TRPC7: variants seen among roughly 807,000 people sequenced by gnomAD.
TRPC7 encodes short transient receptor potential channel 7.
TRPC7 carries 42 observed loss-of-function variants against 90.1 expected under a neutral mutation model. That is an observed-to-expected ratio of 0.47 (90% confidence interval 0.36 to 0.60). TRPC7 has a LOEUF of 0.60. Ranked by LOEUF, TRPC7 falls within the 20% of genes least tolerant of loss-of-function variation. TRPC7 has a pLI of 0.00. For missense variants in TRPC7, 955 were observed against 1,112.3 expected (o/e 0.86, Z 2.01); for synonymous variants, 451 against 436.3 (o/e 1.03, Z -0.42).
At chr5:136,298,469 G>T (rs1758260162) in intron 3 of TRPC7, among the ~76,000 whole-genome samples, 1 of 152,174 alleles carries the variant, frequency 6.6e-6, no homozygotes, top group South Asian at 2.1e-4. Context: ...AAAGATGCTA[G>T]TGTCCTGCCA....
Position 136,315,520 on chromosome 5 carries a change from A to T in TRPC7, c.963+77T>A, listed in dbSNP as rs187640948. 2.7e-5 allele frequency: 41 copies of T among 1,493,536 alleles called. No individual in the cohort carries two copies. In the Admixed American group the frequency reaches 4.4e-4, roughly 16 times the overall value. 92.5% of individuals were successfully genotyped at this position (1,493,536 alleles called of 1,614,324 possible). On this transcript the variant is annotated intron_variant, in intron 3 of 11. Transcript: ENST00000513104. ...GTCACCCTGTGGGAACATAAAATAG[A>T]CATGAGCAAAAAGCAAGGCCAGCAG...
chr5:136,300,954 A>G (rs911981731), intron 3 of TRPC7, among the ~76,000 whole-genome samples: 1 of 152,246 alleles, frequency 6.6e-6, no homozygotes, highest in African/African-American at 2.4e-5. Context: ...GAATCATTAA[A>G]GAGCCTTTAA....
intron 3 of TRPC7, among the ~76,000 whole-genome samples, chr5:136,291,813 C>A (rs1187185792): frequency 6.6e-6 from 1 of 152,204 alleles, no homozygotes; most frequent in African/African-American, 2.4e-5. Context: ...CTACAGAACT[C>A]TCCACCCCAA....
intron 5 of TRPC7, among the ~76,000 whole-genome samples, chr5:136,264,280 G>T (rs1756954255): frequency 1.3e-5 from 2 of 152,180 alleles, no homozygotes; most frequent in African/African-American, 4.8e-5. Flanking sequence ...CCTGTTCAAG[G>T]GAAAGTATGG....
chr5:136,314,128 A>T (rs1343438528), intron 3 of TRPC7: 2 of 152,222 alleles, frequency 1.3e-5, no homozygotes, highest in African/African-American at 2.4e-5. Context: ...AATGCCAAGC[A>T]TCTTCTTTTG....
At chr5:136,239,625 G>C (rs553611944) in intron 7 of TRPC7, among the ~76,000 whole-genome samples, 1 of 152,302 alleles carries the variant, frequency 6.6e-6, no homozygotes, top group South Asian at 2.1e-4. Flanking sequence ...AGCCTCAGCA[G>C]GATCCCCTTT....
At chr5:136,317,941 G>T (rs1452749319) in intron 2 of TRPC7, among the ~76,000 whole-genome samples, 2 of 152,146 alleles carry the variant, frequency 1.3e-5, no homozygotes, top group African/African-American at 4.8e-5. Flanking sequence ...TCACTTCCCT[G>T]GGCTCTTTCA....
chr5:136,275,652 C>T (rs958013640), intron 3 of TRPC7, among the ~76,000 whole-genome samples: 2 of 152,114 alleles, frequency 1.3e-5, no homozygotes, highest in Non-Finnish European at 2.9e-5. Flanking sequence ...CAAGACAGAC[C>T]TCTTGTGGCC....
At chr5:136,331,887 A>T (rs1275408869) in intron 2 of TRPC7, among the ~76,000 whole-genome samples, 1 of 152,170 alleles carries the variant, frequency 6.6e-6, no homozygotes, top group Admixed American at 6.5e-5. Context: ...TCTGAGATAC[A>T]ACCATGAGCA....
chr5:136,282,303 A>G (rs1375282784), intron 3 of TRPC7, among the ~76,000 whole-genome samples: 1 of 152,226 alleles, frequency 6.6e-6, no homozygotes, highest in Non-Finnish European at 1.5e-5. Flanking sequence ...TGAAGGAATC[A>G]GAGGGAACTA....
At chr5:136,351,317 G>A (rs1760188009) in intron 2 of TRPC7, among the ~76,000 whole-genome samples, 2 of 152,050 alleles carry the variant, frequency 1.3e-5, no homozygotes, top group African/African-American at 4.8e-5. Context: ...AGCCTTCATA[G>A]CTTAAAAAAT....
chr5:136,318,546 C>CAGTCA (rs1759098638), intron 2 of TRPC7, among the ~76,000 whole-genome samples: 1 of 152,222 alleles, frequency 6.6e-6, no homozygotes, highest in Non-Finnish European at 1.5e-5. Context: ...AGTCTCCCAA[C>CAGTCA]ATGACTGCAT....
chr5:136,336,532 T>A (rs555590296), intron 2 of TRPC7, among the ~76,000 whole-genome samples: 3 of 152,110 alleles, frequency 2.0e-5, no homozygotes, highest in African/African-American at 7.2e-5. Context: ...ATATATACTT[T>A]AAGTTCTAGG....
chr5:136,282,491 T>G (rs933587882), intron 3 of TRPC7, among the ~76,000 whole-genome samples: 1 of 152,246 alleles, frequency 6.6e-6, no homozygotes, highest in African/African-American at 2.4e-5. Context: ...CTCCTGTAAA[T>G]TTATATGATA....
chr5:136,270,870 G>A (rs968172063), intron 4 of TRPC7, among the ~76,000 whole-genome samples: 3 of 152,182 alleles, frequency 2.0e-5, no homozygotes, highest in Non-Finnish European at 2.9e-5. Flanking sequence ...TAAGAGCACC[G>A]ATGCTGTATT....
At chr5:136,338,886 C>A (rs1480058112) in intron 2 of TRPC7, among the ~76,000 whole-genome samples, 1 of 151,926 alleles carries the variant, frequency 6.6e-6, no homozygotes, top group Non-Finnish European at 1.5e-5. Flanking sequence ...AAAAACCAAA[C>A]ACGAAAATCA....
Position 136,356,814 on chromosome 5 carries a change from G to C in TRPC7, c.574C>G (p.Arg192Gly). The change falls in exon 2 of 12, where the codon CGG (arginine) becomes GGG (glycine). Residue 192 changes from arginine (R) to glycine (G), a missense_variant. Arg to Gly is a moderately radical substitution (Grantham distance 125). Coordinates refer to ENST00000513104, the MANE Select transcript of TRPC7 (RefSeq NM_020389.3). ...ILLLKGARIE[R>G]PHDYFCKCNE... ...CACTTGCAGAAGTAGTCGTGGGGCC[G>C]CTCGATGCGGGCGCCCTTGAGCAGC... is the stretch of plus-strand genomic sequence containing the variant. 6.2e-7 allele frequency: 1 copy of C among 1,613,228 alleles called. No individual in the cohort carries two copies. The highest frequency in any genetic ancestry group is 8.5e-7 in the Non-Finnish European group (1 of 1,179,528).
At chr5:136,333,712 C>A (rs1008179418) in intron 2 of TRPC7, among the ~76,000 whole-genome samples, 1 of 152,110 alleles carries the variant, frequency 6.6e-6, no homozygotes, top group East Asian at 1.9e-4. Context: ...AATTTTAATA[C>A]CAGCAGGATT....
chr5:136,278,279 A>T (rs1757428853), intron 3 of TRPC7, among the ~76,000 whole-genome samples: 1 of 152,240 alleles, frequency 6.6e-6, no homozygotes, highest in Non-Finnish European at 1.5e-5. Context: ...TGTGGTCTTT[A>T]GCGTGGTGTT....
Sources: allele counts gnomAD v4.1 joint callset (sites outside exome capture counted in the v4.1 genomes callset), GRCh38; gene constraint gnomAD v4.1.1; transcripts MANE v1.5; gene names NCBI Gene and HGNC (gene_info 2026-07-23, HGNC 2026-07-21).